The following SHC4 variants were observed in gnomAD, a reference collection of about 807,000 sequenced individuals.
The protein encoded by SHC4 is SHC-transforming protein 4.
In SHC4, 41 loss-of-function variants were observed where a neutral mutation model predicts 69.4. The ratio of observed to expected loss-of-function variants is 0.59; its 90% CI spans 0.46 to 0.77. The LOEUF (loss-of-function observed/expected upper bound fraction) is 0.77. Among genes scored for constraint, SHC4 ranks in the 30% least tolerant of loss-of-function variants. The pLI is 0.00. For missense variants in SHC4, 777 were observed against 783.8 expected (o/e 0.99, Z 0.10); for synonymous variants, 318 against 299.3 (o/e 1.06, Z -0.64).
chr15:48,900,574 C>T (rs1247743282), intron 2 of SHC4, among the ~76,000 whole-genome samples: 1 of 151,790 alleles, frequency 6.6e-6, no homozygotes, highest in East Asian at 1.9e-4. Flanking sequence ...AGGTCCTGAA[C>T]ATCTTTGCTT....
intron 2 of SHC4, among the ~76,000 whole-genome samples, chr15:48,896,806 A>G (rs1225401393): frequency 6.6e-6 from 1 of 152,268 alleles, no homozygotes; most frequent in Non-Finnish European, 1.5e-5. Flanking sequence ...CAGCAAGGAC[A>G]GGCAGATAGA....
intron 2 of SHC4, among the ~76,000 whole-genome samples, chr15:48,894,904 A>T (rs998751825): frequency 6.6e-6 from 1 of 152,058 alleles, no homozygotes; most frequent in Non-Finnish European, 1.5e-5. Context: ...CTCCCACCTC[A>T]ACCTCCCCTG....
intron 8 of SHC4, among the ~76,000 whole-genome samples, chr15:48,852,944 A>AAAT (rs1899244408): frequency 7.0e-6 from 1 of 143,696 alleles, no homozygotes; most frequent in Admixed American, 6.9e-5. Context: ...ATAAATAAAT[A>AAAT]AAATAAAAAT....
At chr15:48,948,886 A>T (rs1415015876) in intron 1 of SHC4, among the ~76,000 whole-genome samples, 1 of 152,130 alleles carries the variant, frequency 6.6e-6, no homozygotes, top group Non-Finnish European at 1.5e-5. Flanking sequence ...ACCCTGGGTG[A>T]CAGAGCGAGA....
intron 2 of SHC4, among the ~76,000 whole-genome samples, chr15:48,921,873 G>C (rs1595758440): frequency 2.0e-5 from 3 of 152,114 alleles, no homozygotes; most frequent in African/African-American, 7.2e-5. Context: ...GGGAGACTTA[G>C]TATATAATAT....
intron 2 of SHC4, among the ~76,000 whole-genome samples, chr15:48,920,814 T>TG (rs941290082): frequency 1.3e-5 from 2 of 152,132 alleles, no homozygotes; most frequent in Non-Finnish European, 1.5e-5. Context: ...CCAGGCATGG[T>TG]GGATCATGCC....
intron 6 of SHC4, among the ~76,000 whole-genome samples, chr15:48,859,847 T>C (rs144460759): frequency 3.9e-5 from 6 of 152,168 alleles, no homozygotes; most frequent in Non-Finnish European, 7.4e-5. Flanking sequence ...CTTGGAGATG[T>C]ATCCTCCAGT....
chr15:48,949,866 TTAA>T (rs1013584325), intron 1 of SHC4, among the ~76,000 whole-genome samples: 99 of 145,406 alleles, frequency 6.8e-4, no homozygotes, highest in Admixed American at 1.9e-3. Flanking sequence ...AATTAGTATA[TTAA>T]TAATTTTATA....
At position 48,852,257 on chromosome 15, in the gene SHC4, C is replaced by T. The variant is rs1443962256; in HGVS notation, c.1243-1009G>A. Among the ~76,000 whole-genome samples, 5 of 152,062 alleles carry T rather than the reference C, an allele frequency of 3.3e-5. No homozygotes were observed. The East Asian group carries it at 9.6e-4, about 29-fold the overall frequency. On this transcript the variant is annotated intron_variant, in intron 8 of 11. Transcript: ENST00000332408. ...GCCAAGGGTAGAGCCTAGGAGAGTG[C>T]TAATGTGGTGGTAGGGCAGGGCTTG...
In SHC4 at chr15:48,880,989, T is replaced by A. The variant is rs201774166; in HGVS notation, c.840+3259A>T. Among the ~76,000 whole-genome samples the A allele has an allele frequency of 4.1e-3, 286 of 70,384 alleles. 5 individuals carry two copies. Among genetic ancestry groups the A allele is most frequent in the East Asian group, 6.2e-3 (7 of 1,122 alleles). The allele number at this position is 70,384 out of a possible 152,430, so 46.2% of individuals were successfully genotyped here. ...CTAAATGATGATGTGTGTGAGAGTG[T>A]GTGTGTGTGTGTGTGTGTGTGTGTG... On this transcript the variant is annotated intron_variant, in intron 4 of 11. Transcript: ENST00000332408.
At chr15:48,918,107 G>C (rs1310867717) in intron 2 of SHC4, among the ~76,000 whole-genome samples, 2 of 152,004 alleles carry the variant, frequency 1.3e-5, no homozygotes, top group African/African-American at 4.8e-5. Context: ...TCAATGTCTA[G>C]AGATAGCTAT....
chr15:48,933,140 T>C (rs891794414), intron 1 of SHC4, among the ~76,000 whole-genome samples: 6 of 152,126 alleles, frequency 3.9e-5, no homozygotes, highest in Non-Finnish European at 8.8e-5. Flanking sequence ...TGGAACCATA[T>C]GGCCTACAAA....
intron 2 of SHC4, among the ~76,000 whole-genome samples, chr15:48,908,093 T>C (rs1900442727): frequency 6.6e-6 from 1 of 152,194 alleles, no homozygotes; most frequent in African/African-American, 2.4e-5. Context: ...GATCAAATGG[T>C]AGTTCTACTT....
chr15:48,843,578 A>T lies in SHC4; in HGVS notation c.1314T>A (p.His438Gln). 6.2e-7 allele frequency: 1 copy of T among 1,613,990 alleles called. No individual in the cohort carries two copies. Among genetic ancestry groups the T allele is most frequent in the Non-Finnish European group, 8.5e-7 (1 of 1,179,874 alleles). The change falls in exon 10 of 12, where the codon CAT becomes CAA. Residue 438 changes from histidine (H) to glutamine (Q), a missense_variant. His to Gln is a conservative substitution (Grantham distance 24, BLOSUM62 0). Transcript: ENST00000332408. The stretch of plus-strand genomic sequence containing the variant: ...CTCGCTGGGACTGCACCCCTCTTGG[A>T]TGGACATTACCTGTAGTGATTAGTA... ...LEQSRAIGNV[H>Q]PRGVQSQRDT...
chr15:48,886,782 C>T (rs1369203758), intron 3 of SHC4, among the ~76,000 whole-genome samples: 2 of 152,094 alleles, frequency 1.3e-5, no homozygotes, highest in Non-Finnish European at 2.9e-5. Flanking sequence ...GGCAATTTTG[C>T]TGTAGGATTT....
At position 48,863,135 on chromosome 15, in the gene SHC4, G is replaced by A. The variant is rs114797569; in HGVS notation, c.946+4683C>T. ...TTTAAAACATTTATTCAAAGGTTTT[G>A]GATATTTTTTCTTTTTATAAATGTA... On this transcript the variant is annotated intron_variant, in intron 6 of 11. Transcript: ENST00000332408. Among the ~76,000 whole-genome samples the A allele has an allele frequency of 5.2e-3, 781 of 151,092 alleles. 7 individuals carry two copies. The highest frequency in any genetic ancestry group is 0.018 in the African/African-American group (752 of 41,208).
intron 1 of SHC4, among the ~76,000 whole-genome samples, chr15:48,929,165 A>AG (rs1182370186): frequency 6.6e-6 from 1 of 152,100 alleles, no homozygotes; most frequent in African/African-American, 2.4e-5. Flanking sequence ...GGAAGCGGGG[A>AG]GGGGGCGGTG....
intron 1 of SHC4, among the ~76,000 whole-genome samples, chr15:48,943,421 A>G (rs191689431): frequency 1.6e-3 from 244 of 152,300 alleles, no homozygotes; most frequent in African/African-American, 5.6e-3. Flanking sequence ...TGTTGTCACA[A>G]ATGACAAGAT....
chr15:48,869,536 G>A (rs1371829069), intron 5 of SHC4, among the ~76,000 whole-genome samples: 1 of 152,168 alleles, frequency 6.6e-6, no homozygotes, highest in Non-Finnish European at 1.5e-5. Context: ...GCCAGGACCT[G>A]CGCTAACACT....
Sources: allele counts gnomAD v4.1 joint callset (sites outside exome capture counted in the v4.1 genomes callset), GRCh38; gene constraint gnomAD v4.1.1; transcripts MANE v1.5; gene names NCBI Gene and HGNC (gene_info 2026-07-23, HGNC 2026-07-21).